DNAH2: variants seen among roughly 807,000 people sequenced by gnomAD.
DNAH2 encodes the protein axonemal beta dynein heavy chain 2.
Under a neutral mutation model 523.5 loss-of-function variants are expected in DNAH2, and 323 were observed. That is an observed-to-expected ratio of 0.62 (90% CI 0.56 to 0.68). DNAH2 has a LOEUF of 0.68. Among genes scored for constraint, DNAH2 ranks in the 30% least tolerant of loss-of-function variants. The pLI is 0.00. For synonymous variants in DNAH2, 2,093 were observed against 2,177.4 expected (o/e 0.96, Z 1.08); for missense variants, 4,907 against 5,701.5 (o/e 0.86, Z 4.49).
At chr17:7,742,871 TGGCCC>T in intron 11 of DNAH2, 52 bp from the exon 12 acceptor site, 1 of 1,269,436 alleles carries the variant, frequency 7.9e-7, no homozygotes, top group Non-Finnish European at 1.0e-6. Context: ...AGGGAGATGG[TGGCCC>T]CTGGAGGAAG....
rs1017609639 is a variant in DNAH2, at chr17:7,833,542, C to T, written c.*9C>T. 5 of 1,613,018 alleles carry T rather than the reference C, an allele frequency of 3.1e-6. No homozygotes were observed. The highest frequency in any genetic ancestry group is 1.3e-5 in the African/African-American group (1 of 75,066). ...TGAGCCTGGACAGCTGAGACCTCCTCCTCTTCTCCGCTTGAGAGAGAGGGT... is the reference window on the plus strand; with the variant it reads ...TGAGCCTGGACAGCTGAGACCTCCTTCTCTTCTCCGCTTGAGAGAGAGGGT... On this transcript the variant is annotated 3_prime_UTR_variant, in exon 86 of 86. Coordinates refer to ENST00000572933, the MANE Select transcript of DNAH2 (RefSeq NM_020877.5).
At position 7,763,936 on chromosome 17, in the gene DNAH2, C is replaced by T. The variant is rs755128474; in HGVS notation, c.3084C>T (p.Cys1028=). Residue 1028 remains cysteine, a synonymous_variant, in exon 19 of 86, where the codon TGC becomes TGT. Transcript: ENST00000572933. ...TCAAGTTCTCCCTGGTGCAGCACTG[C>T]AATGAATGGCAGAACAAGTTCGCGA... is the stretch of plus-strand genomic sequence containing the variant. ...SHLKFSLVQH[C]NEWQNKFATL... 9 of 1,614,208 alleles carry T rather than the reference C, an allele frequency of 5.6e-6. No individual in the cohort carries two copies. The East Asian group carries it at 1.8e-4, about 32-fold the overall frequency.
intron 2 of DNAH2, 127 bp from the exon 3 acceptor site, chr17:7,723,501 A>C: frequency 1.4e-6 from 1 of 715,834 alleles, no homozygotes; most frequent in Non-Finnish European, 2.5e-6. Flanking sequence ...CAAACTCCTG[A>C]CCTCAGGTGA....
At chr17:7,812,346 G>A (rs2077539400) in intron 63 of DNAH2, among the ~76,000 whole-genome samples, 1 of 152,142 alleles carries the variant, frequency 6.6e-6, no homozygotes, top group Non-Finnish European at 1.5e-5. Flanking sequence ...GGCTGGGCTT[G>A]GTGGCTCATG....
chr17:7,755,325 ATG>A, intron 12 of DNAH2, among the ~76,000 whole-genome samples: 1 of 144,082 alleles, frequency 6.9e-6, no homozygotes, highest in Non-Finnish European at 1.5e-5. Flanking sequence ...CTGTGTGGTC[ATG>A]TGACCTTCTC....
chr17:7,831,297 C>G lies in DNAH2; in HGVS notation c.12442C>G (p.Gln4148Glu), dbSNP rs1316698720. The G allele has an allele frequency of 1.2e-5, 20 of 1,613,926 alleles. No homozygotes were observed. Among genetic ancestry groups the G allele is most frequent in the Non-Finnish European group, 1.7e-5 (20 of 1,180,044 alleles). The change falls in exon 80 of 86, where the codon CAG becomes GAG. Residue 4148 changes from glutamine to glutamate, a missense_variant. Physicochemically the swap from Gln to Glu is conservative, Grantham distance 29 (BLOSUM62 2). Transcript: ENST00000572933. This position sits in a 1 kb window ranked among gnomAD's most constrained non-coding sequence, Gnocchi z 4.2. ...PQITPTRAGG[Q>E]TREEKVLELA... Reference sequence around the variant, plus strand: ...GATTACACCCACCAGGGCTGGAGGCCAGACCCGGGAAGAGAAGGTAAAAAG... The same window carrying G: ...GATTACACCCACCAGGGCTGGAGGCGAGACCCGGGAAGAGAAGGTAAAAAG...
intron 12 of DNAH2, among the ~76,000 whole-genome samples, chr17:7,746,308 C>T (rs2075517036): frequency 6.6e-6 from 1 of 152,168 alleles, no homozygotes; most frequent in Non-Finnish European, 1.5e-5. Context: ...CAGTTTCACT[C>T]TGAAGACAGT....
chr17:7,721,054 C>T (rs1236615268), intron 2 of DNAH2, among the ~76,000 whole-genome samples: 1 of 145,942 alleles, frequency 6.9e-6, no homozygotes, highest in African/African-American at 2.5e-5. Context: ...TGTCTCCCAG[C>T]CTGGAGTGCA....
intron 61 of DNAH2, among the ~76,000 whole-genome samples, chr17:7,805,883 A>G (rs1482953793): frequency 1.3e-5 from 2 of 152,130 alleles, no homozygotes; most frequent in African/African-American, 4.8e-5. Flanking sequence ...TTTAGTTGTT[A>G]CTGGTATTTT....
chr17:7,740,726 G>C, intron 10 of DNAH2, 84 bp from the exon 11 acceptor site: 1 of 1,548,584 alleles, frequency 6.5e-7, no homozygotes, highest in East Asian at 2.3e-5. Flanking sequence ...TCCCGCAGCG[G>C]GGTGCAGCTT....
At chr17:7,819,639 G>C (rs929314472) in intron 72 of DNAH2, among the ~76,000 whole-genome samples, 2 of 152,212 alleles carry the variant, frequency 1.3e-5, no homozygotes, top group East Asian at 1.9e-4. Context: ...CTACACAACT[G>C]TTGGAGATAC....
At chr17:7,803,269 G>A (rs1219715274) in intron 58 of DNAH2, among the ~76,000 whole-genome samples, 1 of 152,108 alleles carries the variant, frequency 6.6e-6, no homozygotes, top group South Asian at 2.1e-4. Flanking sequence ...ATAAATCAAG[G>A]GTTCCCACCA....
intron 12 of DNAH2, among the ~76,000 whole-genome samples, chr17:7,748,327 TTC>T (rs1236542936): frequency 2.0e-5 from 3 of 152,146 alleles, no homozygotes; most frequent in Non-Finnish European, 4.4e-5. Context: ...TTCCCAGAGC[TTC>T]TCTCTCTTTT....
chr17:7,763,037 G>A (rs56317857), intron 18 of DNAH2, among the ~76,000 whole-genome samples: 40,189 of 151,556 alleles, frequency 0.27, 5,911 homozygotes, highest in Non-Finnish European at 0.34. Flanking sequence ...GTGCAGTGGC[G>A]CCATCTTGGC....
In DNAH2 at chr17:7,802,101, G is replaced by C. The variant is rs1597712642; in HGVS notation, c.8972+84G>C. On this transcript the variant is annotated intron_variant, in intron 58 of 85. Coordinates refer to ENST00000572933, the MANE Select transcript of DNAH2 (RefSeq NM_020877.5). ...TGGGTGAAATGATGCTGATGTGCAAGGGCAGAGACACAAAGGCCACAGTTC... is the reference window on the plus strand; with the variant it reads ...TGGGTGAAATGATGCTGATGTGCAACGGCAGAGACACAAAGGCCACAGTTC... 7.1e-6 allele frequency: 11 copies of C among 1,551,646 alleles called. No homozygotes were observed. The East Asian group carries it at 2.5e-4, about 35-fold the overall frequency.
intron 3 of DNAH2, among the ~76,000 whole-genome samples, chr17:7,726,702 G>T (rs1377799299): frequency 6.6e-6 from 1 of 151,952 alleles, no homozygotes; most frequent in South Asian, 2.1e-4. Context: ...GGACTCCATC[G>T]TGAAGAAATT....
chr17:7,723,597 G>A (rs761660503), intron 2 of DNAH2, 31 bp from the exon 3 acceptor site: 1 of 1,606,088 alleles, frequency 6.2e-7, no homozygotes, highest in South Asian at 1.1e-5. Context: ...TCCAAGAAAT[G>A]CCTTCCTTTT....
At position 7,758,612 on chromosome 17, in the gene DNAH2, T is replaced by C; in HGVS notation, c.2169T>C (p.Ser723=). ...TGCACTGGGCCTTGAAGGGGGCCAGTGCCTTCTTCATCACGGAGTGCCGTA... is the reference window on the plus strand; with the variant it reads ...TGCACTGGGCCTTGAAGGGGGCCAGCGCCTTCTTCATCACGGAGTGCCGTA... ...KKLHWALKGA[S]AFFITECRIH... is the part of the protein sequence containing the mutation. Residue 723 remains serine, a synonymous_variant, in exon 14 of 86, where the codon AGT becomes AGC. Transcript: ENST00000572933. 6.2e-7 allele frequency: 1 copy of C among 1,614,100 alleles called. No individual in the cohort carries two copies. Among genetic ancestry groups the C allele is most frequent in the Non-Finnish European group, 8.5e-7 (1 of 1,180,028 alleles).
At chr17:7,727,754 C>CA (rs766811062) in intron 4 of DNAH2, among the ~76,000 whole-genome samples, 1,367 of 48,114 alleles carry the variant, frequency 0.028, 34 homozygotes, top group Non-Finnish European at 0.034. Flanking sequence ...GACTCTGTCT[C>CA]AAAAAAAAAA....
Sources: gnomAD v4.1 joint callset for allele counts (sites outside exome capture counted in the v4.1 genomes callset) on GRCh38, gnomAD v4.1.1 for gene constraint, Gnocchi (gnomAD v3.1) non-coding constraint, MANE v1.5 for transcripts, NCBI Gene and HGNC (gene_info 2026-07-23, HGNC 2026-07-21) for gene names.